DHX35: variants seen among roughly 807,000 people sequenced by gnomAD.
DHX35 encodes the protein DEAH-box helicase 35.
Under a neutral mutation model 99.6 loss-of-function variants are expected in DHX35, and 84 were observed. The observed-to-expected ratio is 0.84, with a 90% CI of 0.71 to 1.01. The LOEUF (loss-of-function observed/expected upper bound fraction) is 1.01. Among genes scored for constraint, DHX35 ranks in the 50% least tolerant of loss-of-function variants. The pLI, the probability that DHX35 is intolerant of heterozygous loss-of-function variation, is 0.00. For missense variants in DHX35, 852 were observed against 888.5 expected, an observed-to-expected ratio of 0.96 and a Z score of 0.52; for synonymous variants, 331 against 316.2, an observed-to-expected ratio of 1.05 and a Z score of -0.50.
chr20:38,998,281 A>G (rs571392700), intron 8 of DHX35, among the ~76,000 whole-genome samples: 30 of 152,370 alleles, frequency 2.0e-4, no homozygotes, highest in Middle Eastern at 3.4e-3. Context: ...TCATAAGTCC[A>G]GCTACTTGAA....
At chr20:39,024,323 A>G (rs181447198) in intron 17 of DHX35, among the ~76,000 whole-genome samples, 1 of 152,378 alleles carries the variant, frequency 6.6e-6, no homozygotes, top group East Asian at 1.9e-4. Flanking sequence ...TTGTTAATAA[A>G]GGTGATGAAA....
Position 39,025,362 on chromosome 20 carries a change from G to T in DHX35, c.1801+3G>T. 6.2e-7 allele frequency: 1 copy of T among 1,612,810 alleles called. No individual in the cohort carries two copies. The highest frequency in any genetic ancestry group is 1.1e-5 in the South Asian group (1 of 90,820). On this transcript the variant is annotated splice_donor_region_variant and intron_variant, in intron 18 of 21. Coordinates refer to ENST00000252011, the MANE Select transcript of DHX35 (RefSeq NM_021931.4). ...AGTGCCCAGGAAGTCTAGTGAAGGT[G>T]AGAAGAAACCGTCCCAGCTGGTGAC...
At chr20:38,989,556 T>C (rs957859290) in intron 5 of DHX35, among the ~76,000 whole-genome samples, 1 of 152,286 alleles carries the variant, frequency 6.6e-6, no homozygotes, top group African/African-American at 2.4e-5. Flanking sequence ...CAATCAGTGA[T>C]AGGACCAAGA....
intron 13 of DHX35, among the ~76,000 whole-genome samples, chr20:39,011,333 C>CT (rs2086699745): frequency 6.6e-6 from 1 of 151,240 alleles, no homozygotes; most frequent in Non-Finnish European, 1.5e-5. Flanking sequence ...TTTGGCTATT[C>CT]TTTTTTTCTT....
chr20:38,980,787 A>G (rs1255387077), intron 3 of DHX35, among the ~76,000 whole-genome samples: 2 of 152,192 alleles, frequency 1.3e-5, no homozygotes, highest in African/African-American at 2.4e-5. Context: ...TAATTAGACT[A>G]TAGGCCTTAT....
Position 39,003,827 on chromosome 20 carries a change from C to A in DHX35, c.931C>A (p.Arg311=). ...TCGCACTGGGATGAAGAGACACCTC[C>A]GAGTTCTCCCCATGTATGCAGGACT... ...LARTGMKRHL[R]VLPMYAGLPS... Residue 311 remains arginine (R), a synonymous_variant, in exon 11 of 22, where the codon CGA becomes AGA. Coordinates refer to ENST00000252011, the MANE Select transcript of DHX35 (RefSeq NM_021931.4). 1 of 1,614,152 alleles carries A rather than the reference C, an allele frequency of 6.2e-7. No individual in the cohort carries two copies. The highest frequency in any genetic ancestry group is 8.5e-7 in the Non-Finnish European group (1 of 1,180,036).
intron 19 of DHX35, among the ~76,000 whole-genome samples, chr20:39,028,927 G>A (rs1307186668): frequency 6.6e-6 from 1 of 152,192 alleles, no homozygotes; most frequent in East Asian, 1.9e-4. Flanking sequence ...GTCTTTGGAG[G>A]TAGCCAGGTG....
intron 18 of DHX35, 80 bp from the exon 19 acceptor site, chr20:39,028,338 A>C (rs1186933809): frequency 3.6e-5 from 50 of 1,389,480 alleles, no homozygotes; most frequent in Non-Finnish European, 4.8e-5. Context: ...TGGTGCTGGG[A>C]GTGGATCCTG....
chr20:38,986,798 A>G (rs1185924633), intron 4 of DHX35, among the ~76,000 whole-genome samples: 3 of 152,254 alleles, frequency 2.0e-5, no homozygotes, highest in Non-Finnish European at 4.4e-5. Flanking sequence ...GAAAGCCTAC[A>G]TGATATAGAC....
intron 7 of DHX35, among the ~76,000 whole-genome samples, chr20:38,993,685 C>CT (rs375593065): frequency 0.4 from 56,609 of 141,266 alleles, 11,798 homozygotes; most frequent in East Asian, 0.78. Flanking sequence ...TTTTTCTTTT[C>CT]TTTTTTTTTT....
intron 17 of DHX35, 124 bp downstream of exon 17, chr20:39,023,891 T>A: frequency 1.3e-6 from 1 of 774,384 alleles, no homozygotes. Flanking sequence ...ATTTTCCTGT[T>A]AGATTTATTG....
chr20:39,000,059 G>A (rs537164107), intron 8 of DHX35, among the ~76,000 whole-genome samples: 4 of 152,332 alleles, frequency 2.6e-5, no homozygotes, highest in African/African-American at 9.6e-5. Flanking sequence ...AGGAGGCCTA[G>A]ACCTTGCCTC....
At chr20:38,965,601 A>G (rs982162245) in intron 1 of DHX35, among the ~76,000 whole-genome samples, 1 of 152,220 alleles carries the variant, frequency 6.6e-6, no homozygotes, top group Non-Finnish European at 1.5e-5. Context: ...TTGTTATCAT[A>G]TGGGTTCAGA....
intron 16 of DHX35, among the ~76,000 whole-genome samples, chr20:39,022,449 C>T (rs1052448438): frequency 2.6e-5 from 4 of 152,180 alleles, no homozygotes; most frequent in Non-Finnish European, 4.4e-5. Flanking sequence ...AGCCACCGTG[C>T]CCGGCCTATT....
intron 4 of DHX35, among the ~76,000 whole-genome samples, 185 bp from the exon 5 acceptor site, chr20:38,988,628 T>C (rs1453842819): frequency 1.3e-5 from 2 of 152,108 alleles, no homozygotes; most frequent in African/African-American, 4.8e-5. Context: ...AGACTCTGTC[T>C]CAATAATAAT....
chr20:39,004,182 C>G (rs1207932949), intron 11 of DHX35, among the ~76,000 whole-genome samples: 2 of 152,168 alleles, frequency 1.3e-5, no homozygotes, highest in African/African-American at 4.8e-5. Context: ...CCTGCCTCAG[C>G]CTCCTGAGTA....
intron 18 of DHX35, among the ~76,000 whole-genome samples, chr20:39,028,205 C>G (rs183703704): frequency 1.3e-5 from 2 of 152,258 alleles, no homozygotes; most frequent in Non-Finnish European, 2.9e-5. Flanking sequence ...GCATTGTTGT[C>G]AGCAGCAGTT....
intron 14 of DHX35, 32 bp from the exon 15 acceptor site, chr20:39,018,772 C>T (rs375726263): frequency 5.6e-6 from 9 of 1,600,718 alleles, no homozygotes; most frequent in Non-Finnish European, 1.7e-6. Flanking sequence ...ATGGTACCTG[C>T]CTTCTGATTT....
chr20:38,971,281 A>T (rs1409805779), intron 2 of DHX35, among the ~76,000 whole-genome samples: 1 of 152,184 alleles, frequency 6.6e-6, no homozygotes, highest in Non-Finnish European at 1.5e-5. Context: ...TGAACCCGGG[A>T]GGTGGGGGTT....
Sources: gnomAD v4.1 joint callset for allele counts (sites outside exome capture counted in the v4.1 genomes callset) on GRCh38, gnomAD v4.1.1 for gene constraint, MANE v1.5 for transcripts, NCBI Gene and HGNC (gene_info 2026-07-23, HGNC 2026-07-21) for gene names.